The following NIPBL variants were observed in gnomAD, a reference collection of about 807,000 sequenced individuals.
The protein encoded by NIPBL is nipped-B-like protein.
A neutral mutation model predicts 321.8 loss-of-function variants in NIPBL; 19 were observed. The observed-to-expected ratio is 0.06, with a 90% CI of 0.04 to 0.09. The LOEUF is 0.09. Ranked by LOEUF, NIPBL falls within the 10% of genes least tolerant of loss-of-function variation. The pLI is 1.00. For missense variants in NIPBL, 2,210 were observed against 3,327.0 expected, an observed-to-expected ratio of 0.66 and a Z score of 8.26; for synonymous variants, 1,106 against 1,114.1, an observed-to-expected ratio of 0.99 and a Z score of 0.14.
At chr5:37,057,427 C>G in intron 43 of NIPBL, 95 bp downstream of exon 43, 1 of 1,218,656 alleles carries the variant, frequency 8.2e-7, no homozygotes, top group Non-Finnish European at 1.2e-6. Context: ...TTATCCTCTT[C>G]ACGAGTATAT....
chr5:37,019,524 A>G, intron 25 of NIPBL, 124 bp downstream of exon 25: 1 of 716,856 alleles, frequency 1.4e-6, no homozygotes, highest in Non-Finnish European at 2.5e-6. Context: ...TTTCAAAACA[A>G]AGGGATACTT....
At chr5:37,021,976 G>A (rs1749701941) in intron 27 of NIPBL, 75 bp from the exon 28 acceptor site, 2 of 1,078,062 alleles carry the variant, frequency 1.9e-6, no homozygotes, top group Non-Finnish European at 2.8e-6. Flanking sequence ...GTTTTCTTTT[G>A]CATGTTTTCA....
chr5:37,013,964 G>C (rs1036737090), intron 21 of NIPBL, among the ~76,000 whole-genome samples: 1 of 152,240 alleles, frequency 6.6e-6, no homozygotes, highest in African/African-American at 2.4e-5. Context: ...CCAGCACCTC[G>C]GGAGGCCGAG....
chr5:36,949,549 T>C (rs1740045171), intron 1 of NIPBL, among the ~76,000 whole-genome samples: 1 of 151,950 alleles, frequency 6.6e-6, no homozygotes. Flanking sequence ...AAACATGAGT[T>C]ACCATTTCTA....
chr5:36,995,098 A>G (rs933958645), intron 10 of NIPBL: 1 of 154,186 alleles, frequency 6.5e-6, no homozygotes, highest in African/African-American at 2.4e-5. Flanking sequence ...GTAAAAGCAT[A>G]TGTATAGCTC....
At chr5:36,896,301 G>A (rs370194094) in intron 1 of NIPBL, among the ~76,000 whole-genome samples, 126 of 152,224 alleles carry the variant, frequency 8.3e-4, no homozygotes, top group African/African-American at 2.2e-3. Flanking sequence ...CTGTCCTTAC[G>A]CCAGTACTAC....
chr5:36,885,722 ATGT>A (rs1490635382), intron 1 of NIPBL: 2 of 591,284 alleles, frequency 3.4e-6, no homozygotes, highest in Admixed American at 2.0e-5. Context: ...AGAGCTGGCC[ATGT>A]GCCAGTCTGT....
chr5:36,988,193 A>G (rs1293453308), intron 10 of NIPBL, among the ~76,000 whole-genome samples: 1 of 152,202 alleles, frequency 6.6e-6, no homozygotes, highest in African/African-American at 2.4e-5. Context: ...TTCACATGCA[A>G]TAATATTGCC....
rs3100685 is a variant in NIPBL, at chr5:37,024,417, A to T, written c.5575-168A>T. Among the ~76,000 whole-genome samples the T allele has an allele frequency of 1, 151,704 of 152,356 alleles. 75,529 individuals are homozygous for T. Among genetic ancestry groups the T allele is most frequent in the African/African-American group, 1 (41,530 of 41,582 alleles). ...TACTTTAAAAGTAAAGACAACATAA[A>T]AAAATAACACATTTATAGTAGCAGA... is the stretch of plus-strand genomic sequence containing the variant. On this transcript the variant is annotated intron_variant, in intron 29 of 46. Transcript: ENST00000282516.
chr5:37,033,685 T>TACGCACAC (rs1554028794), intron 32 of NIPBL, among the ~76,000 whole-genome samples: 48 of 65,016 alleles, frequency 7.4e-4, no homozygotes, highest in African/African-American at 3.5e-3. Flanking sequence ...TATATGTACA[T>TACGCACAC]ACACACACAC....
intron 1 of NIPBL, among the ~76,000 whole-genome samples, chr5:36,902,155 C>T (rs1007871105): frequency 6.6e-6 from 1 of 151,388 alleles, no homozygotes; most frequent in Non-Finnish European, 1.5e-5. Context: ...ATTCTGGATA[C>T]TAGACCTTTG....
chr5:36,883,792 G>A (rs934954618), intron 1 of NIPBL, among the ~76,000 whole-genome samples: 4 of 151,114 alleles, frequency 2.6e-5, no homozygotes, highest in African/African-American at 7.3e-5. Context: ...GACATCGATC[G>A]TCTGAGTGTA....
chr5:36,976,436 T>G lies in NIPBL; in HGVS notation c.1495+34T>G, dbSNP rs1743463961. On this transcript the variant is annotated intron_variant, in intron 9 of 46. Coordinates refer to ENST00000282516, the MANE Select transcript of NIPBL (RefSeq NM_133433.4). Reference sequence around the variant, plus strand: ...ATCTCATTATTACCACTTCATCATCTGGGCAAATATGTAATTATAGTGTCA... The same window carrying G: ...ATCTCATTATTACCACTTCATCATCGGGGCAAATATGTAATTATAGTGTCA... 1.9e-6 allele frequency: 3 copies of G among 1,597,090 alleles called. 1 individual carries two copies. The highest frequency in any genetic ancestry group is 1.3e-5 in the African/African-American group (1 of 74,956).
intron 1 of NIPBL, among the ~76,000 whole-genome samples, chr5:36,952,065 C>T (rs1329031156): frequency 3.0e-3 from 322 of 108,024 alleles, no homozygotes; most frequent in Middle Eastern, 0.015. Context: ...CGCGCGCGCG[C>T]GCGCGCGCAT....
At chr5:36,882,901 C>G (rs1175327489) in intron 1 of NIPBL, among the ~76,000 whole-genome samples, 1 of 150,574 alleles carries the variant, frequency 6.6e-6, no homozygotes, top group Non-Finnish European at 1.5e-5. Flanking sequence ...AAAAACCCAC[C>G]TTGTTACTTT....
At chr5:37,019,877 A>T (rs952124794) in intron 25 of NIPBL, among the ~76,000 whole-genome samples, 1 of 152,384 alleles carries the variant, frequency 6.6e-6, no homozygotes, top group Admixed American at 6.5e-5. Context: ...AGAACATTAT[A>T]CATAGAGATA....
intron 20 of NIPBL, among the ~76,000 whole-genome samples, chr5:37,009,247 T>C (rs1398318869): frequency 1.3e-5 from 2 of 151,372 alleles, no homozygotes; most frequent in Non-Finnish European, 3.0e-5. Context: ...AAAAAAAAAA[T>C]AAAAAACAGA....
chr5:37,007,823 T>C (rs192815674), intron 18 of NIPBL, among the ~76,000 whole-genome samples, 185 bp from the exon 19 acceptor site: 3 of 152,148 alleles, frequency 2.0e-5, no homozygotes, highest in African/African-American at 7.2e-5. Flanking sequence ...ACCTGTTGTA[T>C]ATGCTAACGT....
intron 45 of NIPBL, among the ~76,000 whole-genome samples, chr5:37,061,694 A>C (rs752830555): frequency 3.3e-5 from 5 of 152,226 alleles, no homozygotes; most frequent in Admixed American, 6.5e-5. Flanking sequence ...AAATTATTTA[A>C]AAAGCATAGT....
Sources: allele counts gnomAD v4.1 joint callset (sites outside exome capture counted in the v4.1 genomes callset), GRCh38; gene constraint gnomAD v4.1.1; transcripts MANE v1.5; gene names NCBI Gene and HGNC (gene_info 2026-07-23, HGNC 2026-07-21).